Variants in FNIP2 observed in about 807,000 individuals in gnomAD.
The protein encoded by FNIP2 is folliculin interacting protein 2.
Under a neutral mutation model 108.7 loss-of-function variants are expected in FNIP2, and 32 were observed. The observed-to-expected ratio is 0.29, with a 90% CI of 0.22 to 0.40. The LOEUF (loss-of-function observed/expected upper bound fraction) is 0.40, where lower values mean the gene tolerates loss of function less well. FNIP2 is among the 10% of genes least tolerant of loss of function. The pLI is 1.00. For missense variants in FNIP2, 1,202 were observed against 1,381.6 expected, an observed-to-expected ratio of 0.87 and a Z score of 2.06; for synonymous variants, 480 against 496.7, an observed-to-expected ratio of 0.97 and a Z score of 0.45.
intron 12 of FNIP2, among the ~76,000 whole-genome samples, chr4:158,862,039 A>G (rs1780329734): frequency 6.6e-6 from 1 of 152,184 alleles, no homozygotes; most frequent in Non-Finnish European, 1.5e-5. Context: ...TGTTCACCCT[A>G]GAGCAGGATT....
chr4:158,793,011 A>G (rs1211899185), intron 1 of FNIP2, among the ~76,000 whole-genome samples: 1 of 152,214 alleles, frequency 6.6e-6, no homozygotes, highest in Non-Finnish European at 1.5e-5. Context: ...GCCTGCAGGG[A>G]ATAATTACAG....
chr4:158,890,893 C>G (rs1472314499), intron 14 of FNIP2, among the ~76,000 whole-genome samples: 1 of 152,134 alleles, frequency 6.6e-6, no homozygotes, highest in Non-Finnish European at 1.5e-5. Context: ...GAGCATCCAG[C>G]TGGCATAGCT....
Position 158,803,063 on chromosome 4 carries a change from C to T in FNIP2, c.108-22853C>T, listed in dbSNP as rs76487362. 7.7e-3 allele frequency among the ~76,000 whole-genome samples: 1,171 copies of T among 152,278 alleles called. 11 individuals carry two copies. Among genetic ancestry groups the T allele is most frequent in the African/African-American group, 0.026 (1,089 of 41,552 alleles). The stretch of plus-strand genomic sequence containing the variant: ...CCTTCCAGTGTCTTAGAAAGTTCAT[C>T]AGTTTTGTGAAAGTAGCAGTGGTGG... On this transcript the variant is annotated intron_variant, in intron 1 of 16. Coordinates refer to ENST00000264433, the MANE Select transcript of FNIP2 (RefSeq NM_020840.3).
At chr4:158,898,631 T>G (rs1782909993) in intron 16 of FNIP2, among the ~76,000 whole-genome samples, 1 of 152,170 alleles carries the variant, frequency 6.6e-6, no homozygotes, top group South Asian at 2.1e-4. Context: ...GTGATTTGGC[T>G]CTCTGTCTGT....
intron 14 of FNIP2, among the ~76,000 whole-genome samples, chr4:158,880,239 T>C (rs1468255931): frequency 2.6e-5 from 4 of 152,138 alleles, no homozygotes; most frequent in East Asian, 1.9e-4. Flanking sequence ...GTGGCACATA[T>C]ACACTACGGA....
intron 1 of FNIP2, chr4:158,795,755 G>C (rs997665190): frequency 6.6e-6 from 1 of 152,294 alleles, no homozygotes; most frequent in African/African-American, 2.4e-5. Flanking sequence ...TCCGCCTCCT[G>C]TCAGATCAGC....
In FNIP2 at chr4:158,905,694, C is replaced by A. The variant is rs1459028568; in HGVS notation, c.*1150C>A. 3.4e-5 allele frequency: 4 copies of A among 118,394 alleles called. No homozygotes were observed. The highest frequency in any genetic ancestry group is 4.0e-3 in the Middle Eastern group (1 of 252). 7.3% of individuals were successfully genotyped at this position (118,394 alleles called of 1,614,324 possible). ...CCAAAATGATTTCCTAAAGTTCATG[C>A]AAAAAAAAAAAAAAAACAACCTAAT... On this transcript the variant is annotated 3_prime_UTR_variant, in exon 17 of 17. Transcript: ENST00000264433.
chr4:158,875,029 CAGTGCGCTG>C (rs1212427901), intron 14 of FNIP2, among the ~76,000 whole-genome samples: 1 of 148,002 alleles, frequency 6.8e-6, no homozygotes, highest in Non-Finnish European at 1.5e-5. Flanking sequence ...AGAGAGGTTG[CAGTGCGCTG>C]AGATCATGCC....
intron 15 of FNIP2, chr4:158,893,449 T>G (rs1490113955): frequency 4.5e-6 from 2 of 445,984 alleles, no homozygotes; most frequent in African/African-American, 3.9e-5. Context: ...TTATAAGCAC[T>G]CAGTAAACAG....
At position 158,833,512 on chromosome 4, in the gene FNIP2, C is replaced by G. The variant is rs915650659; in HGVS notation, c.555-16C>G. ...TTTGTCCTCTTTCTCCTTTTCCCCC[C>G]CATCTCCGGATATAGCTTGCAAGAC... is the stretch of plus-strand genomic sequence containing the variant. On this transcript the variant is annotated splice_polypyrimidine_tract_variant and intron_variant, in intron 5 of 16. Transcript: ENST00000264433. 4 of 1,525,902 alleles carry G rather than the reference C, an allele frequency of 2.6e-6. No homozygotes were observed. Among genetic ancestry groups the G allele is most frequent in the South Asian group, 1.2e-5 (1 of 81,082 alleles). 94.5% of individuals were successfully genotyped at this position (1,525,902 alleles called of 1,614,324 possible).
At chr4:158,782,375 GA>G (rs1291919797) in intron 1 of FNIP2, among the ~76,000 whole-genome samples, 2 of 151,760 alleles carry the variant, frequency 1.3e-5, no homozygotes, top group Non-Finnish European at 1.5e-5. Context: ...TCTTCAAAGG[GA>G]AAAAACAAAA....
intron 14 of FNIP2, among the ~76,000 whole-genome samples, chr4:158,881,642 G>A (rs1416968801): frequency 6.6e-6 from 1 of 152,220 alleles, no homozygotes; most frequent in Non-Finnish European, 1.5e-5. Context: ...TGGTGGAGAC[G>A]GGGTTTCACT....
In FNIP2 at chr4:158,891,518, G is replaced by T. The variant is rs1230734693; in HGVS notation, c.3022G>T (p.Val1008Leu). Residue 1008 changes from valine (V) to leucine (L), a missense_variant, in exon 15 of 17, where the codon GTA (valine) becomes TTA (leucine). Physicochemically the swap from Val to Leu is conservative, Grantham distance 32. This residue lies in a region of FNIP2 where 142 missense variants were observed against 183.8 expected (regional missense o/e 0.77). Coordinates refer to ENST00000264433, the MANE Select transcript of FNIP2 (RefSeq NM_020840.3). ...AGACACGGATAAATGGAGTGTGCAG[G>T]TAGCTACAAGTCAGAGGAAAGTGAC... is the stretch of plus-strand genomic sequence containing the variant. ...IADTDKWSVQ[V>L]ATSQRKVTDN... The T allele has an allele frequency of 6.2e-7, 1 of 1,610,352 alleles. No homozygotes were observed. Among genetic ancestry groups the T allele is most frequent in the Admixed American group, 1.7e-5 (1 of 59,418 alleles).
chr4:158,807,043 T>C (rs1169004903), intron 1 of FNIP2, among the ~76,000 whole-genome samples: 1 of 152,232 alleles, frequency 6.6e-6, no homozygotes, highest in Non-Finnish European at 1.5e-5. Context: ...TTATTAATTT[T>C]ATTATTAGTG....
chr4:158,769,431 T>A, intron 1 of FNIP2, 112 bp downstream of exon 1: 1 of 601,578 alleles, frequency 1.7e-6, no homozygotes, highest in Non-Finnish European at 2.4e-6. Context: ...CGGCGCTGCC[T>A]ATCGCCGGCA....
chr4:158,844,339 A>G (rs1433494833), intron 7 of FNIP2, among the ~76,000 whole-genome samples: 2 of 152,106 alleles, frequency 1.3e-5, no homozygotes, highest in Non-Finnish European at 2.9e-5. Flanking sequence ...TTTTTTGGTA[A>G]ATATTGATAT....
chr4:158,901,507 T>C (rs1729270816), intron 16 of FNIP2, among the ~76,000 whole-genome samples: 1 of 152,150 alleles, frequency 6.6e-6, no homozygotes, highest in South Asian at 2.1e-4. Flanking sequence ...TGGTGTTCTC[T>C]GTATTTCCTG....
At chr4:158,833,297 T>C (rs1182829911) in intron 5 of FNIP2, among the ~76,000 whole-genome samples, 1 of 152,230 alleles carries the variant, frequency 6.6e-6, no homozygotes, top group Non-Finnish European at 1.5e-5. Context: ...TACAGTTGTT[T>C]AGTTACACGG....
In FNIP2 at chr4:158,881,346, T is replaced by C. The variant is rs982045978; in HGVS notation, c.2950-10100T>C. Among the ~76,000 whole-genome samples the C allele has an allele frequency of 4.1e-5, 6 of 145,024 alleles. 1 individual carries two copies. The highest frequency in any genetic ancestry group is 3.4e-4 in the Admixed American group (5 of 14,718). On this transcript the variant is annotated intron_variant, in intron 14 of 16. Transcript: ENST00000264433. ...CGTCTCGTCTCCCTCTCCCTCTCTT[T>C]CCACGGTCTCCCTCTCCCTCTCTTT... is the stretch of plus-strand genomic sequence containing the variant.
Sources: allele counts gnomAD v4.1 joint callset (sites outside exome capture counted in the v4.1 genomes callset), GRCh38; gene constraint gnomAD v4.1.1; regional missense constraint gnomAD v4.1.1; transcripts MANE v1.5; gene names NCBI Gene and HGNC (gene_info 2026-07-23, HGNC 2026-07-21).